RBM7: variants seen among roughly 807,000 people sequenced by gnomAD.
RBM7 encodes the protein RNA-binding protein 7.
RBM7 carries 13 observed loss-of-function variants against 31.0 expected under a neutral mutation model. That is an observed-to-expected ratio of 0.42 (90% CI 0.27 to 0.67). The LOEUF is 0.67. RBM7 is among the 30% of genes least tolerant of loss of function. The pLI, the probability that RBM7 is intolerant of heterozygous loss-of-function variation, is 0.24. For missense variants in RBM7, 245 were observed against 326.2 expected (o/e 0.75, Z 1.92); for synonymous variants, 106 against 111.2 (o/e 0.95, Z 0.30).
In RBM7 at chr11:114,400,783, C is replaced by T. The variant is rs1946187605; in HGVS notation, c.96+16C>T. On this transcript the variant is annotated intron_variant, in intron 1 of 4. Coordinates refer to ENST00000375490, the MANE Select transcript of RBM7 (RefSeq NM_001286045.2). The stretch of plus-strand genomic sequence containing the variant: ...TTTCCACCAGGTAAGCGGCTGGGTT[C>T]GGCCCTTTGCCTTTCGTTTTCCGTC... 1.9e-6 allele frequency: 3 copies of T among 1,614,018 alleles called. No homozygotes were observed. The Middle Eastern group carries it at 5.0e-4, about 266-fold the overall frequency.
In RBM7 at chr11:114,400,707, C is replaced by A; in HGVS notation, c.36C>A (p.Leu12=). Residue 12 remains leucine, a synonymous_variant, in exon 1 of 5, where the codon CTC becomes CTA. Coordinates refer to ENST00000375490, the MANE Select transcript of RBM7 (RefSeq NM_001286045.2). ...CGGCGGCGGAAGCGGATCGCACTCT[C>A]TTTGTGGGCAACCTTGAAACGAAAG... ...GAAAAEADRT[L]FVGNLETKVT... 6.2e-7 allele frequency: 1 copy of A among 1,614,202 alleles called. No individual in the cohort carries two copies. Among genetic ancestry groups the A allele is most frequent in the Non-Finnish European group, 8.5e-7 (1 of 1,180,038 alleles).
rs753084134 is a variant in RBM7, at chr11:114,407,622, C to T, written c.619C>T (p.Pro207Ser). 4 of 1,614,078 alleles carry T rather than the reference C, an allele frequency of 2.5e-6. No homozygotes were observed. Among genetic ancestry groups the T allele is most frequent in the Non-Finnish European group, 3.4e-6 (4 of 1,179,970 alleles). Residue 207 changes from proline (P) to serine (S), a missense_variant, in exon 5 of 5, where the codon CCC (proline) becomes TCC (serine). Physicochemically the swap from Pro to Ser is moderately conservative, Grantham distance 74 (BLOSUM62 -1). Transcript: ENST00000375490. Reference protein sequence around the residue: ...SQRKVRMNSYPYLADRHYSRE... With the variant: ...SQRKVRMNSYSYLADRHYSRE... Reference sequence around the variant, plus strand: ...GCGTAAAGTCAGAATGAATTCTTATCCCTACCTAGCAGATAGACATTATAG... The same window carrying T: ...GCGTAAAGTCAGAATGAATTCTTATTCCTACCTAGCAGATAGACATTATAG...
At position 114,405,755 on chromosome 11, in the gene RBM7, C is replaced by G. The variant is rs1565261311; in HGVS notation, c.397C>G (p.Gln133Glu). 5 of 1,608,126 alleles carry G rather than the reference C, an allele frequency of 3.1e-6. No homozygotes were observed. Among genetic ancestry groups the G allele is most frequent in the South Asian group, 2.2e-5 (2 of 89,840 alleles). ...CATGACTTCATCAGCACAGATAATTCAGAGATCTTTCTCTTCTCCAGAAAA... is the reference window on the plus strand; with the variant it reads ...CATGACTTCATCAGCACAGATAATTGAGAGATCTTTCTCTTCTCCAGAAAA... ...DNMTSSAQII[Q>E]RSFSSPENFQ... is the part of the protein sequence containing the mutation. The change falls in exon 4 of 5, where the codon CAG (glutamine) becomes GAG (glutamate). Residue 133 changes from glutamine to glutamate, a missense_variant. Physicochemically the swap from Gln to Glu is conservative, Grantham distance 29 (BLOSUM62 2). Coordinates refer to ENST00000375490, the MANE Select transcript of RBM7 (RefSeq NM_001286045.2).
rs116623429 is a variant in RBM7, at chr11:114,404,535, T to C, written c.348-1171T>C. ...GAGGAAAATAAAAAGTTTTCCCTCT[T>C]AGAATTTCTTGGGGAGAAAAAACCA... On this transcript the variant is annotated intron_variant, in intron 3 of 4. Transcript: ENST00000375490. 3.0e-3 allele frequency among the ~76,000 whole-genome samples: 461 copies of C among 152,262 alleles called. 2 individuals carry two copies. Among genetic ancestry groups the C allele is most frequent in the African/African-American group, 0.01 (435 of 41,546 alleles).
intron 2 of RBM7, 149 bp downstream of exon 2, chr11:114,402,009 GA>G: frequency 2.9e-6 from 2 of 700,652 alleles, no homozygotes; most frequent in East Asian, 6.8e-5. Context: ...ATATATCCCT[GA>G]AAACGGGTAA....
intron 3 of RBM7, among the ~76,000 whole-genome samples, chr11:114,403,164 C>T (rs923856160): frequency 4.6e-5 from 7 of 152,116 alleles, no homozygotes; most frequent in Admixed American, 2.0e-4. Context: ...TGATTTGTAG[C>T]GACATAACCA....
At position 114,402,839 on chromosome 11, in the gene RBM7, G is replaced by A; in HGVS notation, c.271G>A (p.Ala91Thr). The change falls in exon 3 of 5, where the codon GCC becomes ACC. Residue 91 changes from alanine (A) to threonine (T), a missense_variant. Transcript: ENST00000375490. ...TTGTTTCATTTTAGGAAGTAGTCAT[G>A]CCCCACAAGATGTCAGTTTGTCATA... The part of the protein sequence containing the change: ...KIQFRSGSSH[A>T]PQDVSLSYPQ... 6.2e-7 allele frequency: 1 copy of A among 1,612,302 alleles called. No homozygotes were observed.
chr11:114,408,101 AT>A lies in RBM7; in HGVS notation c.*298del, dbSNP rs2135358528. ...GGTGAAGTTGTATGATAAAGCAGATATTTTAATTATTTGTTATCTTTTTGTA... is the reference window on the plus strand; with the variant it reads ...GGTGAAGTTGTATGATAAAGCAGATATTTAATTATTTGTTATCTTTTTGTA... On this transcript the variant is annotated 3_prime_UTR_variant, in exon 5 of 5. Coordinates refer to ENST00000375490, the MANE Select transcript of RBM7 (RefSeq NM_001286045.2). 5.4e-6 allele frequency: 1 copy of A among 185,612 alleles called. No homozygotes were observed. The highest frequency in any genetic ancestry group is 2.3e-5 in the African/African-American group (1 of 42,966). 11.5% of individuals were successfully genotyped at this position (185,612 alleles called of 1,614,324 possible).
chr11:114,402,972 C>A, intron 3 of RBM7, 57 bp downstream of exon 3: 1 of 1,324,482 alleles, frequency 7.6e-7, no homozygotes, highest in Non-Finnish European at 1.1e-6. Context: ...TAGGGAATAG[C>A]CTCAAAACAC....
At chr11:114,402,725 T>C (rs982295727) in intron 2 of RBM7, 103 bp from the exon 3 acceptor site, 2 of 1,035,082 alleles carry the variant, frequency 1.9e-6, no homozygotes, top group Admixed American at 1.8e-5. Context: ...GATTTTTCTC[T>C]TTTAGATTGT....
At chr11:114,407,267 G>A (rs1303340601) in intron 4 of RBM7, 178 bp from the exon 5 acceptor site, 4 of 557,024 alleles carry the variant, frequency 7.2e-6, no homozygotes, top group Non-Finnish European at 1.2e-5. Flanking sequence ...TAGTATTTAT[G>A]TATATATATG....
intron 3 of RBM7, among the ~76,000 whole-genome samples, chr11:114,404,374 G>C (rs891391588): frequency 2.6e-5 from 4 of 152,228 alleles, no homozygotes; most frequent in Non-Finnish European, 4.4e-5. Context: ...GCCAGCAATA[G>C]TGCAAAAAGT....
At chr11:114,404,953 A>T (rs1218468078) in intron 3 of RBM7, among the ~76,000 whole-genome samples, 1 of 152,244 alleles carries the variant, frequency 6.6e-6, no homozygotes, top group Non-Finnish European at 1.5e-5. Flanking sequence ...ATAGGGAATA[A>T]GGTATAAATC....
At chr11:114,400,912 C>A in intron 1 of RBM7, 145 bp downstream of exon 1, 1 of 853,466 alleles carries the variant, frequency 1.2e-6, no homozygotes, top group Non-Finnish European at 1.8e-6. Flanking sequence ...GGTTGCGAAA[C>A]GCTCGCTGGG....
chr11:114,404,828 A>G (rs1208072353), intron 3 of RBM7, among the ~76,000 whole-genome samples: 1 of 152,226 alleles, frequency 6.6e-6, no homozygotes, highest in African/African-American at 2.4e-5. Context: ...CGCAAAATTA[A>G]AAGATCCAAA....
chr11:114,406,317 C>G (rs1218225012), intron 4 of RBM7: 1 of 152,268 alleles, frequency 6.6e-6, no homozygotes. Context: ...GTGCCTAAAT[C>G]ATGATCTTGA....
rs953990424 is a variant in RBM7, at chr11:114,408,954, G to T, written c.*1147G>T. On this transcript the variant is annotated 3_prime_UTR_variant, in exon 5 of 5. Transcript: ENST00000375490. ...TTTTTTTTTTATGTCACTGACTTCA[G>T]AGACATTGTACACAAAGAATTAACA... is the stretch of plus-strand genomic sequence containing the variant. 1.3e-5 allele frequency: 2 copies of T among 151,350 alleles called. No individual in the cohort carries two copies. Among genetic ancestry groups the T allele is most frequent in the African/African-American group, 4.9e-5 (2 of 41,102 alleles). 9.4% of individuals were successfully genotyped at this position (151,350 alleles called of 1,614,324 possible).
chr11:114,409,187 G>T lies in RBM7; in HGVS notation c.*1380G>T, dbSNP rs1946307492. ...GATTTCCTGTTTATAAATGAATTCA[G>T]TTTTTCTGTTTCTAAGTAAATGTAG... is the stretch of plus-strand genomic sequence containing the variant. On this transcript the variant is annotated 3_prime_UTR_variant, in exon 5 of 5. Coordinates refer to ENST00000375490, the MANE Select transcript of RBM7 (RefSeq NM_001286045.2). 1 of 151,972 alleles carries T rather than the reference G, an allele frequency of 6.6e-6. No homozygotes were observed. The highest frequency in any genetic ancestry group is 1.5e-5 in the Non-Finnish European group (1 of 67,984). 9.4% of individuals were successfully genotyped at this position (151,972 alleles called of 1,614,324 possible). A position where few individuals can be genotyped will look rare whatever the true frequency, so the allele number is the denominator to read the frequency against.
intron 4 of RBM7, chr11:114,406,116 G>A (rs1946263170): frequency 4.2e-6 from 1 of 236,962 alleles, no homozygotes; most frequent in African/African-American, 2.3e-5. Flanking sequence ...ATTGTCTGAT[G>A]CTCCTGTACC....
Sources: allele counts gnomAD v4.1 joint callset (sites outside exome capture counted in the v4.1 genomes callset), GRCh38; gene constraint gnomAD v4.1.1; transcripts MANE v1.5; gene names NCBI Gene and HGNC (gene_info 2026-07-23, HGNC 2026-07-21).